Variants in TCP11L2 observed in about 807,000 individuals in gnomAD.
TCP11L2 encodes T-complex protein 11-like protein 2.
TCP11L2 carries 39 observed loss-of-function variants against 50.7 expected under a neutral mutation model. That is an observed-to-expected ratio of 0.77 (90% confidence interval 0.60 to 1.01). The LOEUF is 1.01. TCP11L2 is among the 50% of genes least tolerant of loss of function. The pLI is 0.00. For missense variants in TCP11L2, 612 were observed against 614.7 expected, an observed-to-expected ratio of 1.00 and a Z score of 0.05; for synonymous variants, 192 against 219.3, an observed-to-expected ratio of 0.88 and a Z score of 1.10.
chr12:106,329,395 C>T (rs1482308085), intron 6 of TCP11L2: 1 of 1,535,912 alleles, frequency 6.5e-7, no homozygotes, highest in African/African-American at 1.4e-5. Context: ...AGAGCAGTCA[C>T]CGTGCCAGCC....
chr12:106,338,546 T>C (rs1274920032), intron 8 of TCP11L2, among the ~76,000 whole-genome samples: 1 of 152,256 alleles, frequency 6.6e-6, no homozygotes, highest in Non-Finnish European at 1.5e-5. Flanking sequence ...TACCATATTT[T>C]CTTTATCCAG....
At position 106,340,860 on chromosome 12, in the gene TCP11L2, G is replaced by T. The variant is rs754717049; in HGVS notation, c.1177G>T (p.Gly393Cys). 8 of 1,606,670 alleles carry T rather than the reference G, an allele frequency of 5.0e-6. No individual in the cohort carries two copies. The highest frequency in any genetic ancestry group is 6.8e-6 in the Non-Finnish European group (8 of 1,177,920). Residue 393 changes from glycine to cysteine, a missense_variant, in exon 9 of 10, where the codon GGT (glycine) becomes TGT (cysteine). Gly to Cys is a radical substitution (Grantham distance 159). Transcript: ENST00000299045. ...FNLKEVLNSI[G>C]IQTCVEVNKT... ...CTTGAAGGAAGTCCTGAATTCTATT[G>T]GTATTCAGACTTGTGTTGAGGTTAA... is the stretch of plus-strand genomic sequence containing the variant.
chr12:106,300,221 A>G (rs145155692), upstream of TCP11L2, among the ~76,000 whole-genome samples: 1,806 of 151,320 alleles, frequency 0.012, 18 homozygotes, highest in Non-Finnish European at 0.018. Context: ...AGCAGGGAAG[A>G]TTTTGTGTTA....
intron 6 of TCP11L2, among the ~76,000 whole-genome samples, chr12:106,331,762 C>T (rs1185218959): frequency 2.6e-5 from 4 of 152,212 alleles, no homozygotes; most frequent in Non-Finnish European, 5.9e-5. Flanking sequence ...GGCCACGGCT[C>T]CCAACTACTG....
chr12:106,302,405 TCAGC>T (rs1190550865), upstream of TCP11L2, among the ~76,000 whole-genome samples: 2 of 48,386 alleles, frequency 4.1e-5, no homozygotes, highest in Admixed American at 2.0e-4. Context: ...CAGCCCCCGC[TCAGC>T]CCCCGCTCCC....
At chr12:106,307,144 T>C (rs2034663720) in intron 1 of TCP11L2, 1 of 152,238 alleles carries the variant, frequency 6.6e-6, no homozygotes, top group Admixed American at 6.5e-5. Flanking sequence ...TATTCAACAA[T>C]AAATATTTGA....
intron 3 of TCP11L2, among the ~76,000 whole-genome samples, chr12:106,317,865 T>C (rs1278919661): frequency 6.6e-6 from 1 of 152,224 alleles, no homozygotes; most frequent in Non-Finnish European, 1.5e-5. Flanking sequence ...ATTTCACCAG[T>C]TTGGTCTGGC....
chr12:106,336,069 C>T lies in TCP11L2; in HGVS notation c.998C>T (p.Thr333Ile). ...MTDGARLQEL[T>I]EKLNQLKIIA... Reference sequence around the variant, plus strand: ...GATGGAGCACGTCTTCAGGAACTAACAGAAAAGCTGAATCAATTGAAAATT... The same window carrying T: ...GATGGAGCACGTCTTCAGGAACTAATAGAAAAGCTGAATCAATTGAAAATT... The change falls in exon 8 of 10, where the codon ACA (threonine) becomes ATA (isoleucine). Residue 333 changes from threonine (T) to isoleucine (I), a missense_variant. Transcript: ENST00000299045. 6.2e-7 allele frequency: 1 copy of T among 1,613,736 alleles called. No individual in the cohort carries two copies. Among genetic ancestry groups the T allele is most frequent in the South Asian group, 1.1e-5 (1 of 91,002 alleles).
Position 106,318,803 on chromosome 12 carries a change from C to T in TCP11L2, c.414+339C>T, listed in dbSNP as rs147361388. Among the ~76,000 whole-genome samples, 1,105 of 152,282 alleles carry T rather than the reference C, an allele frequency of 7.3e-3. 14 individuals are homozygous for T. Among genetic ancestry groups the T allele is most frequent in the African/African-American group, 0.025 (1,052 of 41,562 alleles). On this transcript the variant is annotated intron_variant, in intron 4 of 9. Coordinates refer to ENST00000299045, the MANE Select transcript of TCP11L2 (RefSeq NM_152772.3). ...TCGGCTCACTGCAACCTCTGCCTCC[C>T]GGGTTCAAGTAATTCTCCTGCCTCA...
chr12:106,319,113 T>C (rs7131743), intron 4 of TCP11L2, among the ~76,000 whole-genome samples: 1,548 of 152,120 alleles, frequency 0.01, 25 homozygotes, highest in African/African-American at 0.036. Context: ...GGGTTTCACC[T>C]TGTTAGCCAG....
At chr12:106,321,366 T>A in intron 4 of TCP11L2, 120 bp from the exon 5 acceptor site, 2 of 796,990 alleles carry the variant, frequency 2.5e-6, no homozygotes, top group East Asian at 2.7e-5. Context: ...AGTGCCAACT[T>A]CTGTGGCATC....
At chr12:106,317,665 C>T (rs958032757) in intron 3 of TCP11L2, among the ~76,000 whole-genome samples, 3 of 152,206 alleles carry the variant, frequency 2.0e-5, no homozygotes, top group Admixed American at 2.0e-4. Flanking sequence ...AGGTATATAG[C>T]TCTGTGGGGA....
chr12:106,333,948 A>G (rs965313152), intron 6 of TCP11L2, among the ~76,000 whole-genome samples: 7 of 152,332 alleles, frequency 4.6e-5, no homozygotes, highest in Middle Eastern at 3.4e-3. Context: ...CTATAGATAC[A>G]GATTTAGGAG....
chr12:106,308,025 TGGA>T (rs1218646481), intron 1 of TCP11L2, among the ~76,000 whole-genome samples: 12 of 152,348 alleles, frequency 7.9e-5, no homozygotes, highest in African/African-American at 2.6e-4. Context: ...GGTTTCTGTT[TGGA>T]TACACTAAGG....
intron 8 of TCP11L2, among the ~76,000 whole-genome samples, chr12:106,336,439 G>A (rs2035923493): frequency 6.6e-6 from 1 of 151,764 alleles, no homozygotes; most frequent in African/African-American, 2.4e-5. Context: ...GGTGAGTGTA[G>A]TATTTCCACT....
rs563883755 is a variant in TCP11L2 at position 106,318,732 on chromosome 12, A to T, written c.414+268A>T. On this transcript the variant is annotated intron_variant, in intron 4 of 9. Transcript: ENST00000299045. Reference sequence around the variant, plus strand: ...GGTCTTTTTGTTGTTTTGTTTTGAGACGGAGTCTCGCTCTGTTGCCTAGGC... The same window carrying T: ...GGTCTTTTTGTTGTTTTGTTTTGAGTCGGAGTCTCGCTCTGTTGCCTAGGC... Among the ~76,000 whole-genome samples the T allele has an allele frequency of 5.9e-5, 9 of 152,262 alleles. No individual in the cohort carries two copies. The South Asian group carries it at 8.3e-4, about 14-fold the overall frequency.
intron 2 of TCP11L2, among the ~76,000 whole-genome samples, chr12:106,311,552 G>A (rs1335198867): frequency 1.3e-5 from 2 of 152,178 alleles, no homozygotes; most frequent in Admixed American, 1.3e-4. Flanking sequence ...GATCTCCACT[G>A]AAGGATAAAT....
At chr12:106,337,217 C>A (rs1418653844) in intron 8 of TCP11L2, among the ~76,000 whole-genome samples, 2 of 152,156 alleles carry the variant, frequency 1.3e-5, no homozygotes, top group Non-Finnish European at 2.9e-5. Flanking sequence ...GTCTTCTCAT[C>A]CTCCCACCTA....
At chr12:106,307,120 T>C (rs1049306400) in intron 1 of TCP11L2, among the ~76,000 whole-genome samples, 2 of 152,244 alleles carry the variant, frequency 1.3e-5, no homozygotes, top group African/African-American at 4.8e-5. Flanking sequence ...TCAGTAGTCT[T>C]ACTACCATTC....
Sources: gnomAD v4.1 joint callset for allele counts (sites outside exome capture counted in the v4.1 genomes callset) on GRCh38, gnomAD v4.1.1 for gene constraint, MANE v1.5 for transcripts, NCBI Gene and HGNC (gene_info 2026-07-23, HGNC 2026-07-21) for gene names.